The following RAMP1 variants were observed in gnomAD, a reference collection of about 807,000 sequenced individuals.
RAMP1 encodes receptor activity-modifying protein 1.
RAMP1 carries 7 observed loss-of-function variants against 8.2 expected under a neutral mutation model. The observed-to-expected ratio is 0.85, with a 90% CI of 0.49 to 1.60. RAMP1 has a LOEUF of 1.60. Among genes scored for constraint, RAMP1 ranks in the 40% most tolerant of loss-of-function variants. The pLI, the probability that RAMP1 is intolerant of heterozygous loss-of-function variation, is 0.00. For missense variants in RAMP1, 192 were observed against 202.4 expected, an observed-to-expected ratio of 0.95 and a Z score of 0.31; for synonymous variants, 92 against 84.7, an observed-to-expected ratio of 1.09 and a Z score of -0.47.
At chr2:237,904,945 G>A (rs952285145) in intron 2 of RAMP1, among the ~76,000 whole-genome samples, 8 of 152,084 alleles carry the variant, frequency 5.3e-5, no homozygotes, top group Non-Finnish European at 1.0e-4. Flanking sequence ...GCAACCCAGG[G>A]TGTCCCCAGA....
chr2:237,859,785 T>G, intron 1 of RAMP1, 58 bp downstream of exon 1: 3 of 1,380,560 alleles, frequency 2.2e-6, no homozygotes, highest in South Asian at 1.4e-5. Context: ...CGGTGTCCTC[T>G]AGGGGAGAGG....
At chr2:237,899,380 A>AT (rs2062576120) in intron 2 of RAMP1, among the ~76,000 whole-genome samples, 1 of 152,158 alleles carries the variant, frequency 6.6e-6, no homozygotes, top group African/African-American at 2.4e-5. Flanking sequence ...CGAGAGAGAG[A>AT]TTTTTATCAC....
intron 2 of RAMP1, among the ~76,000 whole-genome samples, chr2:237,897,539 T>C (rs1039837455): frequency 6.6e-6 from 1 of 152,202 alleles, no homozygotes; most frequent in Admixed American, 6.5e-5. Flanking sequence ...TTCCTTTTCC[T>C]GCAAGAGAGA....
Position 237,859,633 on chromosome 2 carries a change from G to T in RAMP1, c.-43G>T, listed in dbSNP as rs1262091189. ...CGCCGCGGCGGGCTCAGTCCTCAGC[G>T]GGGCGCGTGGCGAGCGGACTCGACT... On this transcript the variant is annotated 5_prime_UTR_variant, in exon 1 of 3. Coordinates refer to ENST00000254661, the MANE Select transcript of RAMP1 (RefSeq NM_005855.4). 4.3e-6 allele frequency: 6 copies of T among 1,402,766 alleles called. No homozygotes were observed. The highest frequency in any genetic ancestry group is 5.6e-6 in the Non-Finnish European group (6 of 1,073,164). The allele number at this position is 1,402,766 out of a possible 1,614,324, so 86.9% of individuals were successfully genotyped here.
intron 2 of RAMP1, among the ~76,000 whole-genome samples, chr2:237,899,680 T>C (rs543471437): frequency 6.6e-6 from 1 of 152,380 alleles, no homozygotes; most frequent in African/African-American, 2.4e-5. Context: ...TCCGTCCGTG[T>C]GCGCATGCGT....
chr2:237,890,737 G>A (rs968144900), intron 2 of RAMP1, among the ~76,000 whole-genome samples: 7 of 151,750 alleles, frequency 4.6e-5, no homozygotes, highest in South Asian at 2.1e-4. Flanking sequence ...ATTCCTTTAC[G>A]TGTTTAATAT....
At chr2:237,909,009 ACTGGCATCATG>A (rs1400796318) in intron 2 of RAMP1, among the ~76,000 whole-genome samples, 4 of 151,336 alleles carry the variant, frequency 2.6e-5, no homozygotes, top group African/African-American at 9.7e-5. Context: ...CTGGCATCAC[ACTGGCATCATG>A]GATACGGGGG....
At chr2:237,864,622 C>T (rs534165940) in intron 1 of RAMP1, among the ~76,000 whole-genome samples, 2 of 152,310 alleles carry the variant, frequency 1.3e-5, no homozygotes, top group Admixed American at 6.5e-5. Flanking sequence ...GGTCAGGACT[C>T]GGAGGGGGCA....
At chr2:237,910,588 C>G (rs1559178577) in intron 2 of RAMP1, among the ~76,000 whole-genome samples, 1 of 147,292 alleles carries the variant, frequency 6.8e-6, no homozygotes, top group Admixed American at 6.6e-5. Context: ...CACAGTCACA[C>G]AGAATAACAC....
intron 2 of RAMP1, among the ~76,000 whole-genome samples, chr2:237,887,923 G>A (rs1019627239): frequency 1.3e-5 from 2 of 152,264 alleles, no homozygotes; most frequent in South Asian, 2.1e-4. Flanking sequence ...TGAAATAAAT[G>A]ACAACACTAT....
rs541050960 is a variant in RAMP1 at position 237,877,006 on chromosome 2, C to T, written c.53-218C>T. Among the ~76,000 whole-genome samples the T allele has an allele frequency of 6.6e-6, 1 of 152,326 alleles. No individual in the cohort carries two copies. Among genetic ancestry groups the T allele is most frequent in the African/African-American group, 2.4e-5 (1 of 41,572 alleles). Reference sequence around the variant, plus strand: ...GCCCTGGCCCAAGCTGGCACGGGCACTGAGGGCCAAGCCACCCTTAGCAGG... The same window carrying T: ...GCCCTGGCCCAAGCTGGCACGGGCATTGAGGGCCAAGCCACCCTTAGCAGG... On this transcript the variant is annotated intron_variant, in intron 1 of 2. Transcript: ENST00000254661. This position sits in a 1 kb window ranked among gnomAD's most constrained non-coding sequence, Gnocchi z 4.4.
intron 2 of RAMP1, among the ~76,000 whole-genome samples, chr2:237,910,543 A>G (rs1348304015): frequency 6.6e-6 from 1 of 152,102 alleles, no homozygotes; most frequent in Non-Finnish European, 1.5e-5. Flanking sequence ...ACAGTAACAC[A>G]CAGAATAACA....
rs555781820 is a variant in RAMP1, at chr2:237,897,028, G to C, written c.192-14500G>C. ...ATGTGCTGTCCGTGGGGATGGTGGGGTCACCTGCCCCAGCCTCAGTGGGTC... is the reference window on the plus strand; with the variant it reads ...ATGTGCTGTCCGTGGGGATGGTGGGCTCACCTGCCCCAGCCTCAGTGGGTC... On this transcript the variant is annotated intron_variant, in intron 2 of 2. Coordinates refer to ENST00000254661, the MANE Select transcript of RAMP1 (RefSeq NM_005855.4). Among the ~76,000 whole-genome samples, 7 of 152,342 alleles carry C rather than the reference G, an allele frequency of 4.6e-5. No individual in the cohort carries two copies. In the East Asian group the frequency reaches 1.3e-3, roughly 29 times the overall value.
intron 2 of RAMP1, among the ~76,000 whole-genome samples, chr2:237,891,087 T>C (rs2062482917): frequency 6.6e-6 from 1 of 152,204 alleles, no homozygotes. Context: ...GATGTGTTTC[T>C]CTAAGGACTT....
chr2:237,906,354 A>G (rs35641938), intron 2 of RAMP1, among the ~76,000 whole-genome samples: 38,635 of 151,964 alleles, frequency 0.25, 5,019 homozygotes, highest in South Asian at 0.35. Context: ...CACTCAGGGC[A>G]GTGACCTAGA....
rs904487189 is a variant in RAMP1, at chr2:237,881,717, T to C, written c.191+4355T>C. On this transcript the variant is annotated intron_variant, in intron 2 of 2. Transcript: ENST00000254661. ...GTTTACAGGCCGTTCTTTTATCTTT[T>C]TGGCAAATTGTGTCTTTTCCTATTT... Among the ~76,000 whole-genome samples the C allele has an allele frequency of 4.6e-5, 7 of 152,266 alleles. 1 individual carries two copies. Among genetic ancestry groups the C allele is most frequent in the African/African-American group, 1.7e-4 (7 of 41,472 alleles).
chr2:237,868,377 T>C (rs2062210738), intron 1 of RAMP1, among the ~76,000 whole-genome samples: 1 of 152,100 alleles, frequency 6.6e-6, no homozygotes, highest in Non-Finnish European at 1.5e-5. Context: ...GTGATGTTGT[T>C]TTACATTTTC....
rs568522888 is a variant in RAMP1, at chr2:237,896,592, G to A, written c.192-14936G>A. On this transcript the variant is annotated intron_variant, in intron 2 of 2. Coordinates refer to ENST00000254661, the MANE Select transcript of RAMP1 (RefSeq NM_005855.4). ...AGGGGGTAAGAACACCTGCCCTCGG[G>A]TGATGTGAGAAGCACACTCACGCGG... Among the ~76,000 whole-genome samples the A allele has an allele frequency of 4.6e-5, 7 of 152,340 alleles. No homozygotes were observed. The South Asian group carries it at 1.4e-3, about 32-fold the overall frequency.
At chr2:237,869,637 A>C (rs1384707069) in intron 1 of RAMP1, among the ~76,000 whole-genome samples, 1 of 152,256 alleles carries the variant, frequency 6.6e-6, no homozygotes, top group Non-Finnish European at 1.5e-5. Flanking sequence ...TGTTATGGAT[A>C]GACCACACTG....
Sources: allele counts gnomAD v4.1 joint callset (sites outside exome capture counted in the v4.1 genomes callset), GRCh38; gene constraint gnomAD v4.1.1; non-coding constraint Gnocchi (gnomAD v3.1); transcripts MANE v1.5; gene names NCBI Gene and HGNC (gene_info 2026-07-23, HGNC 2026-07-21).